HIPK1: variants seen among roughly 807,000 people sequenced by gnomAD.
HIPK1 encodes the protein homeodomain interacting protein kinase 1, also known as homeodomain-interacting protein kinase 1.
In HIPK1, 28 loss-of-function variants were observed where a neutral mutation model predicts 117.1. That is an observed-to-expected ratio of 0.24 (90% confidence interval 0.18 to 0.33). The LOEUF (loss-of-function observed/expected upper bound fraction) is 0.33. Ranked by LOEUF, HIPK1 falls within the 10% of genes least tolerant of loss-of-function variation. The pLI is 1.00. For synonymous variants in HIPK1, 605 were observed against 562.5 expected (o/e 1.08, Z -1.07); for missense variants, 1,122 against 1,475.1 (o/e 0.76, Z 3.92).
intron 1 of HIPK1, among the ~76,000 whole-genome samples, chr1:113,937,075 A>G (rs1670299180): frequency 6.6e-6 from 1 of 152,216 alleles, no homozygotes; most frequent in Admixed American, 6.5e-5. Context: ...TTGGTATTTC[A>G]GTGAAGTAGG....
chr1:113,943,603 G>A (rs1331453848), intron 2 of HIPK1, among the ~76,000 whole-genome samples: 1 of 152,164 alleles, frequency 6.6e-6, no homozygotes, highest in African/African-American at 2.4e-5. Flanking sequence ...TGGTGTACAA[G>A]TATCCTAGTC....
chr1:113,960,193 G>A (rs1470912945), intron 8 of HIPK1, among the ~76,000 whole-genome samples: 6 of 152,122 alleles, frequency 3.9e-5, no homozygotes, highest in Non-Finnish European at 1.5e-5. Context: ...CATCAGTTAG[G>A]CAATTTATTC....
intron 14 of HIPK1, 78 bp from the exon 15 acceptor site, chr1:113,971,746 T>C: frequency 7.2e-7 from 1 of 1,394,246 alleles, no homozygotes; most frequent in Non-Finnish European, 9.8e-7. Context: ...CATACAGATG[T>C]GGACTAATTA....
intron 2 of HIPK1, among the ~76,000 whole-genome samples, chr1:113,945,662 C>T (rs1034808482): frequency 6.6e-6 from 1 of 152,172 alleles, no homozygotes; most frequent in African/African-American, 2.4e-5. Context: ...TTCTTATCTT[C>T]TATTGCTTTC....
At chr1:113,960,103 G>C (rs181251581) in intron 8 of HIPK1, among the ~76,000 whole-genome samples, 1 of 152,194 alleles carries the variant, frequency 6.6e-6, no homozygotes, top group East Asian at 1.9e-4. Flanking sequence ...GTGCAACAAT[G>C]GTCTTATTCC....
At chr1:113,939,098 C>T (rs1381017791) in intron 1 of HIPK1, among the ~76,000 whole-genome samples, 5 of 151,884 alleles carry the variant, frequency 3.3e-5, no homozygotes, top group African/African-American at 1.2e-4. Flanking sequence ...CTCAGAACAA[C>T]CCCATGAGGT....
At chr1:113,966,486 T>C (rs951445367) in intron 11 of HIPK1, among the ~76,000 whole-genome samples, 5 of 152,262 alleles carry the variant, frequency 3.3e-5, no homozygotes, top group African/African-American at 9.6e-5. Context: ...TCATTTCTTC[T>C]AGATTTTTTA....
Position 113,973,613 on chromosome 1 carries a change from C to G in HIPK1, c.*101C>G. ...ATCCTCCTTTACCCTCTTGAAATTT[C>G]TTAGCCAGCAACTTGTTCTGCAGGG... On this transcript the variant is annotated 3_prime_UTR_variant, in exon 16 of 16. Coordinates refer to ENST00000426820, the MANE Select transcript of HIPK1 (RefSeq NM_198268.3). The G allele has an allele frequency of 7.2e-7, 1 of 1,391,912 alleles. No individual in the cohort carries two copies. Among genetic ancestry groups the G allele is most frequent in the Non-Finnish European group, 9.6e-7 (1 of 1,044,818 alleles). 86.2% of individuals were successfully genotyped at this position (1,391,912 alleles called of 1,614,324 possible).
rs1463765186 is a variant in HIPK1 at position 113,976,487 on chromosome 1, A to G, written c.*2975A>G. The G allele has an allele frequency of 1.3e-5, 2 of 152,830 alleles. No individual in the cohort carries two copies. Among genetic ancestry groups the G allele is most frequent in the Non-Finnish European group, 2.9e-5 (2 of 68,048 alleles). 9.5% of individuals were successfully genotyped at this position (152,830 alleles called of 1,614,324 possible). A position where few individuals can be genotyped will look rare whatever the true frequency, so the allele number is the denominator to read the frequency against. ...AAATCCCATTCCTGCACCCCAGTCC[A>G]ATAAGCAGATACCACTTAAGATAGG... On this transcript the variant is annotated 3_prime_UTR_variant, in exon 16 of 16. Transcript: ENST00000426820.
Position 113,954,669 on chromosome 1 carries a change from A to T in HIPK1, c.1219A>T (p.Thr407Ser). 6.2e-7 allele frequency: 1 copy of T among 1,613,852 alleles called. No homozygotes were observed. The highest frequency in any genetic ancestry group is 8.5e-7 in the Non-Finnish European group (1 of 1,179,734). ...GTTTCAGATTCGTTATATTTCACAA[A>T]CACAAGGCTTGCCAGCTGAATATCT... is the stretch of plus-strand genomic sequence containing the variant. The part of the protein sequence containing the change: ...EYDQIRYISQ[T>S]QGLPAEYLLS... Residue 407 changes from threonine (T) to serine (S), a missense_variant, in exon 4 of 16, where the codon ACA becomes TCA. Physicochemically the swap from Thr to Ser is moderately conservative, Grantham distance 58. Around this residue, in one of 6 missense-constraint regions of HIPK1, gnomAD observed 127 missense variants for 197.9 expected, o/e 0.64. Coordinates refer to ENST00000426820, the MANE Select transcript of HIPK1 (RefSeq NM_198268.3).
intron 13 of HIPK1, 91 bp downstream of exon 13, chr1:113,968,739 G>A (rs936838168): frequency 2.0e-5 from 19 of 963,992 alleles, no homozygotes; most frequent in Admixed American, 9.8e-5. Flanking sequence ...AGAAAGGACC[G>A]GTGGGGCATG....
intron 1 of HIPK1, among the ~76,000 whole-genome samples, chr1:113,939,080 A>G (rs887909135): frequency 6.6e-6 from 1 of 152,086 alleles, no homozygotes; most frequent in African/African-American, 2.4e-5. Flanking sequence ...GTATTAAATT[A>G]TTTAATTCTC....
At chr1:113,948,024 A>G (rs1671102540) in intron 2 of HIPK1, among the ~76,000 whole-genome samples, 1 of 152,204 alleles carries the variant, frequency 6.6e-6, no homozygotes, top group South Asian at 2.1e-4. Context: ...TAGAGTTTAT[A>G]TTGAGGGATT....
chr1:113,972,797 A>G (rs1025621099), intron 15 of HIPK1, among the ~76,000 whole-genome samples: 4 of 152,194 alleles, frequency 2.6e-5, no homozygotes, highest in Non-Finnish European at 5.9e-5. Context: ...TCTTCCTGTC[A>G]TACTTACAAG....
At chr1:113,944,957 C>T (rs1212672191) in intron 2 of HIPK1, among the ~76,000 whole-genome samples, 1 of 152,192 alleles carries the variant, frequency 6.6e-6, no homozygotes, top group African/African-American at 2.4e-5. Context: ...AAGCAGTCCT[C>T]CCACCTTAGC....
chr1:113,950,953 TAAAAAA>T (rs1671322010), intron 2 of HIPK1, among the ~76,000 whole-genome samples: 1 of 152,188 alleles, frequency 6.6e-6, no homozygotes, highest in African/African-American at 2.4e-5. Flanking sequence ...TTGTACCACT[TAAAAAA>T]GGAAAAGCGC....
At position 113,941,516 on chromosome 1, in the gene HIPK1, A is replaced by G; in HGVS notation, c.1076+57A>G. ...GGCTAGAGTTCTGTCCTTATATTTAACATATACCCCGTAGGCTACATATAG... is the reference window on the plus strand; with the variant it reads ...GGCTAGAGTTCTGTCCTTATATTTAGCATATACCCCGTAGGCTACATATAG... On this transcript the variant is annotated intron_variant, in intron 2 of 15. Coordinates refer to ENST00000426820, the MANE Select transcript of HIPK1 (RefSeq NM_198268.3). The surrounding 1 kb of genome is among the most constrained non-coding windows in gnomAD (Gnocchi z 4.9). 7.6e-7 allele frequency: 1 copy of G among 1,317,626 alleles called. No homozygotes were observed. Among genetic ancestry groups the G allele is most frequent in the East Asian group, 2.3e-5 (1 of 43,266 alleles). 81.6% of individuals were successfully genotyped at this position (1,317,626 alleles called of 1,614,324 possible).
chr1:113,966,804 A>G, intron 11 of HIPK1, among the ~76,000 whole-genome samples: 1 of 150,612 alleles, frequency 6.6e-6, no homozygotes, highest in Middle Eastern at 3.2e-3. Context: ...GACTATAATC[A>G]CCTATTGCGC....
In HIPK1 at chr1:113,929,674, C is replaced by T. The variant is rs991192076; in HGVS notation, c.-3+142C>T. On this transcript the variant is annotated intron_variant, in intron 1 of 15. Transcript: ENST00000426820. Reference sequence around the variant, plus strand: ...CAAGGGGCCCGGCGGTAGCCCCGGACGGCAGCAGGAGGCCGAGGCGGGAGC... The same window carrying T: ...CAAGGGGCCCGGCGGTAGCCCCGGATGGCAGCAGGAGGCCGAGGCGGGAGC... 3.4e-6 allele frequency: 3 copies of T among 890,772 alleles called. No individual in the cohort carries two copies. The African/African-American group carries it at 5.6e-5, about 17-fold the overall frequency. 55.2% of individuals were successfully genotyped at this position (890,772 alleles called of 1,614,324 possible).
Sources: gnomAD v4.1 joint callset for allele counts (sites outside exome capture counted in the v4.1 genomes callset) on GRCh38, gnomAD v4.1.1 for gene constraint, gnomAD v4.1.1 regional missense constraint, Gnocchi (gnomAD v3.1) non-coding constraint, MANE v1.5 for transcripts, NCBI Gene and HGNC (gene_info 2026-07-23, HGNC 2026-07-21) for gene names.